The following ADCY7 variants were observed in gnomAD, a reference collection of about 807,000 sequenced individuals.
ADCY7 encodes the protein adenylate cyclase 7.
ADCY7 carries 72 observed loss-of-function variants against 120.6 expected under a neutral mutation model. The observed-to-expected ratio is 0.60, with a 90% confidence interval of 0.49 to 0.73. The LOEUF (loss-of-function observed/expected upper bound fraction) is 0.73, where lower values mean the gene tolerates loss of function less well. Ranked by LOEUF, ADCY7 falls within the 30% of genes least tolerant of loss-of-function variation. The pLI is 0.00. For missense variants in ADCY7, 1,227 were observed against 1,486.0 expected (o/e 0.83, Z 2.87); for synonymous variants, 661 against 628.0 (o/e 1.05, Z -0.78).
At chr16:50,253,046 G>A (rs943288805) in intron 1 of ADCY7, among the ~76,000 whole-genome samples, 1 of 152,182 alleles carries the variant, frequency 6.6e-6, no homozygotes, top group African/African-American at 2.4e-5. Context: ...GGGGGTCAGG[G>A]AGGTTAAAGT....
At chr16:50,270,149 T>A (rs1261523138) in intron 1 of ADCY7, among the ~76,000 whole-genome samples, 3 of 151,014 alleles carry the variant, frequency 2.0e-5, no homozygotes, top group Middle Eastern at 3.5e-3. Context: ...TGTACTCCAC[T>A]CTGGGTAATA....
rs769992913 is a variant in ADCY7, at chr16:50,315,527, A to C, written c.*22A>C. 6.3e-7 allele frequency: 1 copy of C among 1,596,334 alleles called. No individual in the cohort carries two copies. The highest frequency in any genetic ancestry group is 2.3e-5 in the East Asian group (1 of 44,310). ...CTGAGGGCTCCTGCTGGATTCCGAA[A>C]AGGCCGGGAAGCCAGTCTCCTTCCC... On this transcript the variant is annotated 3_prime_UTR_variant, in exon 26 of 26. Coordinates refer to ENST00000673801, the MANE Select transcript of ADCY7 (RefSeq NM_001114.5).
intron 12 of ADCY7, 92 bp downstream of exon 12, chr16:50,305,051 C>T (rs956762889): frequency 1.7e-5 from 25 of 1,503,940 alleles, no homozygotes; most frequent in Non-Finnish European, 2.3e-5. Flanking sequence ...GGCAGCTCCG[C>T]AAGGCCCAGC....
intron 1 of ADCY7, among the ~76,000 whole-genome samples, chr16:50,267,501 A>C (rs1342878335): frequency 1.3e-5 from 2 of 152,048 alleles, no homozygotes; most frequent in Admixed American, 6.6e-5. Flanking sequence ...CCTGGGTCCA[A>C]GGCCTGGACG....
intron 8 of ADCY7, among the ~76,000 whole-genome samples, chr16:50,300,189 G>A (rs1185620592): frequency 1.3e-5 from 2 of 152,154 alleles, no homozygotes; most frequent in African/African-American, 4.8e-5. Context: ...TCCTGTCTCA[G>A]CCTCCCAAGT....
chr16:50,272,918 C>T (rs958447691), intron 1 of ADCY7, among the ~76,000 whole-genome samples: 2 of 152,124 alleles, frequency 1.3e-5, no homozygotes, highest in African/African-American at 4.8e-5. Context: ...TTTTGATATA[C>T]CCAGACTCCC....
In ADCY7 at chr16:50,246,818, G is replaced by C. The variant is rs183020695; in HGVS notation, c.-64+615G>C. ...TGACAATGGGAGCCGACCCCGGGTA[G>C]GGGAGAGAGGCTGGAGCCTCTCCAT... On this transcript the variant is annotated intron_variant, in intron 1 of 4. Coordinates refer to the ADCY7 transcript ENST00000564044. Among the ~76,000 whole-genome samples the C allele has an allele frequency of 1.4e-3, 208 of 152,374 alleles. 4 individuals are homozygous for C. The East Asian group carries it at 0.034, about 25-fold the overall frequency.
rs779471724 is a variant in ADCY7, at chr16:50,310,673, C to A, written c.2161-14C>A. 4 of 1,612,378 alleles carry A rather than the reference C, an allele frequency of 2.5e-6. No homozygotes were observed. Among genetic ancestry groups the A allele is most frequent in the East Asian group, 2.2e-5 (1 of 44,834 alleles). On this transcript the variant is annotated splice_polypyrimidine_tract_variant and intron_variant, in intron 18 of 25. Coordinates refer to ENST00000673801, the MANE Select transcript of ADCY7 (RefSeq NM_001114.5). ...TGGGGTGGCCCTGTCCTGAGTGACA[C>A]CCTGCCCCCTCAGTACTACACCTGC...
chr16:50,296,532 ATTT>A (rs1427911431), intron 7 of ADCY7, among the ~76,000 whole-genome samples: 1 of 151,690 alleles, frequency 6.6e-6, no homozygotes, highest in African/African-American at 2.4e-5. Context: ...AATTTTTTGT[ATTT>A]TTAGTAGAGA....
chr16:50,265,364 A>C (rs542379933), upstream of ADCY7, among the ~76,000 whole-genome samples: 1 of 126,114 alleles, frequency 7.9e-6, no homozygotes, highest in East Asian at 3.4e-4. Flanking sequence ...AGCAGCCTGG[A>C]ACCCTGTGTG....
intron 20 of ADCY7, 22 bp downstream of exon 20, chr16:50,311,808 C>CCCG: frequency 7.5e-7 from 1 of 1,337,124 alleles, no homozygotes; most frequent in Non-Finnish European, 1.0e-6. Flanking sequence ...GGCCCCCCCC[C>CCCG]CCCCCCCAAG....
chr16:50,292,118 C>T (rs1417341289), intron 4 of ADCY7, among the ~76,000 whole-genome samples: 1 of 152,218 alleles, frequency 6.6e-6, no homozygotes, highest in Non-Finnish European at 1.5e-5. Flanking sequence ...TCCCCTGTGG[C>T]TCAGCCCTCA....
intron 1 of ADCY7, among the ~76,000 whole-genome samples, chr16:50,286,147 A>T (rs2034566268): frequency 6.6e-6 from 1 of 151,764 alleles, no homozygotes; most frequent in Admixed American, 6.6e-5. Flanking sequence ...AAAGCTTAAC[A>T]CTTCGGAGGC....
intron 1 of ADCY7, among the ~76,000 whole-genome samples, chr16:50,249,339 C>T (rs2032683236): frequency 6.6e-6 from 1 of 152,112 alleles, no homozygotes; most frequent in Non-Finnish European, 1.5e-5. Flanking sequence ...ACTTGGGAGG[C>T]TGAGGCATGA....
intron 10 of ADCY7, among the ~76,000 whole-genome samples, chr16:50,302,546 G>T (rs2035797430): frequency 6.6e-6 from 1 of 152,006 alleles, no homozygotes; most frequent in Non-Finnish European, 1.5e-5. Flanking sequence ...TTATTTGGCG[G>T]CCCCACCTTC....
intron 1 of ADCY7, among the ~76,000 whole-genome samples, chr16:50,269,926 C>T (rs1375849159): frequency 1.3e-5 from 2 of 152,152 alleles, no homozygotes; most frequent in East Asian, 3.9e-4. Flanking sequence ...CCGTGGTTCA[C>T]ACCTGCAGTC....
At chr16:50,313,871 G>C in intron 22 of ADCY7, 87 bp from the exon 23 acceptor site, 3 of 1,095,690 alleles carry the variant, frequency 2.7e-6, no homozygotes, top group Non-Finnish European at 4.1e-6. Flanking sequence ...TGGGTGGAGG[G>C]AACCCCACAC....
rs1227938878 is a variant in ADCY7 at position 50,316,201 on chromosome 16, C to T, written c.*696C>T. On this transcript the variant is annotated 3_prime_UTR_variant, in exon 26 of 26. Coordinates refer to ENST00000673801, the MANE Select transcript of ADCY7 (RefSeq NM_001114.5). ...TCCAGTGTATGCTCTGCCTTTTTAA[C>T]CACTGACATGTAAGGAGGACTACTG... is the stretch of plus-strand genomic sequence containing the variant. 1 of 152,436 alleles carries T rather than the reference C, an allele frequency of 6.6e-6. No individual in the cohort carries two copies. The highest frequency in any genetic ancestry group is 2.4e-5 in the African/African-American group (1 of 41,430). 9.4% of individuals were successfully genotyped at this position (152,436 alleles called of 1,614,324 possible).
intron 1 of ADCY7, among the ~76,000 whole-genome samples, chr16:50,284,358 G>A (rs2034456453): frequency 6.6e-6 from 1 of 152,194 alleles, no homozygotes; most frequent in South Asian, 2.1e-4. Flanking sequence ...TGAGTTCCTT[G>A]AGAGGCGTGT....
Sources: gnomAD v4.1 joint callset for allele counts (sites outside exome capture counted in the v4.1 genomes callset) on GRCh38, gnomAD v4.1.1 for gene constraint, MANE v1.5 for transcripts, NCBI Gene and HGNC (gene_info 2026-07-23, HGNC 2026-07-21) for gene names.